Variants in ATP6V0A1 observed in about 807,000 individuals in gnomAD.
The protein encoded by ATP6V0A1 is ATPase H+ transporting V0 subunit a1.
A neutral mutation model predicts 105.4 loss-of-function variants in ATP6V0A1; 43 were observed. That is an observed-to-expected ratio of 0.41 (90% CI 0.32 to 0.53). ATP6V0A1 has a LOEUF of 0.53. Ranked by LOEUF, ATP6V0A1 falls within the 20% of genes least tolerant of loss-of-function variation. ATP6V0A1 has a pLI of 0.30. For missense variants in ATP6V0A1, 676 were observed against 1,051.1 expected, an observed-to-expected ratio of 0.64 and a Z score of 4.93; for synonymous variants, 362 against 372.8, an observed-to-expected ratio of 0.97 and a Z score of 0.33.
chr17:42,487,465 T>G, intron 10 of ATP6V0A1, 98 bp downstream of exon 10: 1 of 1,233,620 alleles, frequency 8.1e-7, no homozygotes, highest in Non-Finnish European at 1.2e-6. Context: ...CGGTGGCTCA[T>G]GCCTGTAATC....
At chr17:42,464,039 C>G (rs374724308) in intron 2 of ATP6V0A1, among the ~76,000 whole-genome samples, 1 of 152,020 alleles carries the variant, frequency 6.6e-6, no homozygotes, top group Non-Finnish European at 1.5e-5. Flanking sequence ...TCAGGCTGGC[C>G]GAGGTGGAGG....
intron 17 of ATP6V0A1, 117 bp downstream of exon 17, chr17:42,501,421 T>G (rs373271276): frequency 1.2e-6 from 1 of 857,414 alleles, no homozygotes. Context: ...TTCTTTTTCT[T>G]TTTCTTTTTT....
In ATP6V0A1 at chr17:42,479,249, G is replaced by A. The variant is rs2089190854; in HGVS notation, c.633+660G>A. ...ATTCATGTATAAAAAGAGAAGGAGA[G>A]ATTTCCTAGACTGTGATCTTAATAA... On this transcript the variant is annotated intron_variant, in intron 7 of 21. Transcript: ENST00000343619. 2.0e-5 allele frequency among the ~76,000 whole-genome samples: 3 copies of A among 152,222 alleles called. No individual in the cohort carries two copies. The South Asian group carries it at 6.2e-4, about 32-fold the overall frequency.
At chr17:42,492,706 C>T (rs1442434267) in intron 11 of ATP6V0A1, among the ~76,000 whole-genome samples, 1 of 95,134 alleles carries the variant, frequency 1.1e-5, no homozygotes, top group Non-Finnish European at 2.1e-5. Flanking sequence ...AACTCTGTCT[C>T]AAAAAAAAAA....
Position 42,513,869 on chromosome 17 carries a change from T to C in ATP6V0A1, c.2139T>C (p.Phe713=), listed in dbSNP as rs138018879. Residue 713 remains phenylalanine, a synonymous_variant, in exon 20 of 22, where the codon TTT becomes TTC. Transcript: ENST00000343619. ...GTTTCCTCCCACGACAGTTTGACTT[T>C]GGGGACACCATGGTCCACCAGGCCA... ...DEPSEDEVFD[F]GDTMVHQAIH... 2.5e-5 allele frequency: 41 copies of C among 1,613,888 alleles called. No homozygotes were observed. In the East Asian group the frequency reaches 6.2e-4, roughly 25 times the overall value.
At chr17:42,467,935 TA>T in intron 3 of ATP6V0A1, 74 bp from the exon 4 acceptor site, 6 of 937,562 alleles carry the variant, frequency 6.4e-6, no homozygotes, top group Non-Finnish European at 7.8e-6. Flanking sequence ...TCTTAGATGT[TA>T]ATTCTTTTCC....
chr17:42,514,539 C>A, intron 21 of ATP6V0A1, 79 bp downstream of exon 21: 1 of 1,384,320 alleles, frequency 7.2e-7, no homozygotes, highest in Non-Finnish European at 9.8e-7. Context: ...TTCTCCCACA[C>A]ACAGCCCTGC....
intron 17 of ATP6V0A1, among the ~76,000 whole-genome samples, chr17:42,501,788 C>G (rs2091692923): frequency 6.6e-6 from 1 of 151,660 alleles, no homozygotes; most frequent in East Asian, 2.0e-4. Context: ...CACTTTAGCA[C>G]TTTGGGAGGC....
chr17:42,508,614 T>C (rs765435747), intron 19 of ATP6V0A1, 25 bp downstream of exon 19: 1 of 1,613,942 alleles, frequency 6.2e-7, no homozygotes, highest in Non-Finnish European at 8.5e-7. Flanking sequence ...GGCGTTGCCT[T>C]CGTGTTTATC....
chr17:42,486,758 G>T (rs2090152094), intron 9 of ATP6V0A1, among the ~76,000 whole-genome samples: 1 of 152,154 alleles, frequency 6.6e-6, no homozygotes, highest in East Asian at 1.9e-4. Flanking sequence ...ATGTGCAAAG[G>T]ATTCTGTGTG....
intron 5 of ATP6V0A1, among the ~76,000 whole-genome samples, chr17:42,474,465 C>T (rs994605700): frequency 1.3e-5 from 2 of 152,212 alleles, no homozygotes; most frequent in African/African-American, 4.8e-5. Flanking sequence ...AAGAACCTCT[C>T]TGCCTTGCCT....
At chr17:42,463,199 G>A (rs1201718613) in intron 2 of ATP6V0A1, among the ~76,000 whole-genome samples, 2 of 150,552 alleles carry the variant, frequency 1.3e-5, no homozygotes, top group South Asian at 4.2e-4. Flanking sequence ...TAGAGATGGA[G>A]TTTCACCATG....
At position 42,522,525 on chromosome 17, in the gene ATP6V0A1, G is replaced by A. The variant is rs1205540444; in HGVS notation, c.*1405G>A. ...GCAGAGTTCAGGGAACCCTGCCCAA[G>A]GTCCTCCTGTTCAGACATTCCTATG... On this transcript the variant is annotated 3_prime_UTR_variant, in exon 22 of 22. Coordinates refer to ENST00000343619, the MANE Select transcript of ATP6V0A1 (RefSeq NM_001130021.3). 1 of 152,534 alleles carries A rather than the reference G, an allele frequency of 6.6e-6. No individual in the cohort carries two copies. The highest frequency in any genetic ancestry group is 2.1e-4 in the South Asian group (1 of 4,840). The allele number at this position is 152,534 out of a possible 1,614,324, so 9.4% of individuals were successfully genotyped here.
In ATP6V0A1 at chr17:42,522,412, G is replaced by A; in HGVS notation, c.*1292G>A. The A allele has an allele frequency of 6.5e-6, 1 of 152,838 alleles. No homozygotes were observed. The highest frequency in any genetic ancestry group is 1.5e-5 in the Non-Finnish European group (1 of 68,364). 9.5% of individuals were successfully genotyped at this position (152,838 alleles called of 1,614,324 possible). ...CGGGGCCACTGTGTGCTGGCCCACT[G>A]TGACCTGACCCGACCTTGTGCAGCC... is the stretch of plus-strand genomic sequence containing the variant. On this transcript the variant is annotated 3_prime_UTR_variant, in exon 22 of 22. Coordinates refer to ENST00000343619, the MANE Select transcript of ATP6V0A1 (RefSeq NM_001130021.3).
At chr17:42,462,925 T>C (rs2086600187) in intron 2 of ATP6V0A1, among the ~76,000 whole-genome samples, 1 of 150,740 alleles carries the variant, frequency 6.6e-6, no homozygotes, top group Non-Finnish European at 1.5e-5. Context: ...AATGTACACA[T>C]CTTAAGAGTA....
intron 11 of ATP6V0A1, among the ~76,000 whole-genome samples, chr17:42,491,333 C>T (rs577762920): frequency 2.6e-5 from 4 of 152,192 alleles, no homozygotes; most frequent in Admixed American, 6.5e-5. Flanking sequence ...TTTTTTGAGA[C>T]GGAGTCTCGC....
chr17:42,503,412 T>A (rs975381214), intron 17 of ATP6V0A1, among the ~76,000 whole-genome samples: 2 of 152,216 alleles, frequency 1.3e-5, no homozygotes, highest in African/African-American at 4.8e-5. Context: ...CCTCAGCTGT[T>A]CCAGTGAGAC....
intron 10 of ATP6V0A1, among the ~76,000 whole-genome samples, chr17:42,488,794 C>T (rs1293230321): frequency 1.3e-5 from 2 of 150,140 alleles, no homozygotes; most frequent in Non-Finnish European, 3.0e-5. Context: ...CGGGTCATCA[C>T]TTGAGGTCAG....
At chr17:42,459,117 C>G (rs2086086412) in intron 1 of ATP6V0A1, 154 bp downstream of exon 1, 1 of 152,292 alleles carries the variant, frequency 6.6e-6, no homozygotes, top group South Asian at 2.1e-4. Flanking sequence ...GGCACCCCTC[C>G]TCTGCCCTGA....
Sources: gnomAD v4.1 joint callset for allele counts (sites outside exome capture counted in the v4.1 genomes callset) on GRCh38, gnomAD v4.1.1 for gene constraint, MANE v1.5 for transcripts, NCBI Gene and HGNC (gene_info 2026-07-23, HGNC 2026-07-21) for gene names.